The following CNTN5 variants were observed in gnomAD, a reference collection of about 807,000 sequenced individuals.
The protein encoded by CNTN5 is contactin 5, also known as contactin-5.
Under a neutral mutation model 129.1 loss-of-function variants are expected in CNTN5, and 77 were observed. The observed-to-expected ratio is 0.60, with a 90% confidence interval of 0.50 to 0.72. The LOEUF (loss-of-function observed/expected upper bound fraction) is 0.72, where lower values mean the gene tolerates loss of function less well. Ranked by LOEUF, CNTN5 falls within the 30% of genes least tolerant of loss-of-function variation. The probability of loss-of-function intolerance (pLI) is 0.00; values close to 1 mark genes in which losing one functional copy is unlikely to be tolerated. For missense variants in CNTN5, 1,478 were observed against 1,328.8 expected (o/e 1.11, Z -1.75); for synonymous variants, 509 against 465.6 (o/e 1.09, Z -1.20).
In CNTN5 at chr11:100,032,667, A is replaced by G. The variant is rs191707641; in HGVS notation, c.981-28545A>G. On this transcript the variant is annotated intron_variant, in intron 9 of 24. Transcript: ENST00000524871. ...ATCGTTGATGATATTTATTTGCCTC[A>G]TAATGTCGTTTTTAAACACTCAATC... 2.4e-4 allele frequency among the ~76,000 whole-genome samples: 36 copies of G among 152,256 alleles called. No individual in the cohort carries two copies. The East Asian group carries it at 6.4e-3, about 27-fold the overall frequency.
intron 21 of CNTN5, among the ~76,000 whole-genome samples, chr11:100,327,788 T>A (rs1951821026): frequency 6.6e-6 from 1 of 152,124 alleles, no homozygotes; most frequent in Non-Finnish European, 1.5e-5. Context: ...TGGTAAAATA[T>A]CAAATTTCAA....
At chr11:100,277,404 T>C (rs1051764561) in intron 18 of CNTN5, among the ~76,000 whole-genome samples, 1 of 152,180 alleles carries the variant, frequency 6.6e-6, no homozygotes, top group Non-Finnish European at 1.5e-5. Flanking sequence ...TCCAAACTGT[T>C]CTCCGTAGTG....
intron 2 of CNTN5, among the ~76,000 whole-genome samples, chr11:99,473,553 A>ATT (rs143648621): frequency 4.7e-5 from 7 of 149,918 alleles, no homozygotes; most frequent in African/African-American, 1.7e-4. Context: ...TACTGAAGTG[A>ATT]TTTTTTTTTT....
chr11:99,064,453 A>G (rs780771030), intron 1 of CNTN5, among the ~76,000 whole-genome samples: 1 of 152,156 alleles, frequency 6.6e-6, no homozygotes, highest in Admixed American at 6.5e-5. Context: ...TTCATTATGA[A>G]GAAGAGCAGA....
chr11:99,157,843 A>T (rs1019234057), intron 1 of CNTN5, among the ~76,000 whole-genome samples: 2 of 152,192 alleles, frequency 1.3e-5, no homozygotes, highest in Admixed American at 1.3e-4. Context: ...GAATTCTTGC[A>T]GTAGCAAGGC....
intron 2 of CNTN5, among the ~76,000 whole-genome samples, chr11:99,356,709 A>G (rs988357214): frequency 1.3e-5 from 2 of 152,262 alleles, no homozygotes; most frequent in East Asian, 1.9e-4. Context: ...ATAATAAAAC[A>G]AAATCACATT....
intron 21 of CNTN5, chr11:100,336,997 CCA>C (rs1591524954): frequency 1.3e-6 from 1 of 790,318 alleles, no homozygotes; most frequent in Non-Finnish European, 2.3e-6. Flanking sequence ...CACATTGAAC[CCA>C]CACACATCTC....
At chr11:99,744,782 C>G (rs1944000320) in intron 3 of CNTN5, among the ~76,000 whole-genome samples, 1 of 150,804 alleles carries the variant, frequency 6.6e-6, no homozygotes, top group African/African-American at 2.4e-5. Context: ...TGTGGAGATG[C>G]TAACCCTGTA....
chr11:99,393,969 T>C (rs1479603760), intron 2 of CNTN5, among the ~76,000 whole-genome samples: 1 of 151,710 alleles, frequency 6.6e-6, no homozygotes, highest in Non-Finnish European at 1.5e-5. Context: ...TTAAAATTAC[T>C]TAAGCAAGTT....
At chr11:99,317,684 T>C (rs1865398349) in intron 1 of CNTN5, among the ~76,000 whole-genome samples, 1 of 152,204 alleles carries the variant, frequency 6.6e-6, no homozygotes. Context: ...ATAACTTGTT[T>C]CGTACATTTA....
intron 3 of CNTN5, among the ~76,000 whole-genome samples, chr11:99,775,688 CTA>C (rs1235342293): frequency 1.3e-5 from 2 of 151,900 alleles, no homozygotes; most frequent in African/African-American, 2.4e-5. Flanking sequence ...TGCTCTCTCT[CTA>C]TGTATATTTA....
At chr11:99,123,356 T>C (rs1858453510) in intron 1 of CNTN5, among the ~76,000 whole-genome samples, 1 of 152,294 alleles carries the variant, frequency 6.6e-6, no homozygotes, top group East Asian at 1.9e-4. Flanking sequence ...TTTTGAAAGA[T>C]GTCTGTTCAT....
At chr11:100,235,852 C>T (rs753189232) in intron 16 of CNTN5, among the ~76,000 whole-genome samples, 2 of 152,118 alleles carry the variant, frequency 1.3e-5, no homozygotes, top group African/African-American at 2.4e-5. Context: ...ACTTCACTTT[C>T]GTTTTTTGAG....
At chr11:99,756,394 C>G (rs577860450) in intron 3 of CNTN5, among the ~76,000 whole-genome samples, 1 of 152,118 alleles carries the variant, frequency 6.6e-6, no homozygotes, top group African/African-American at 2.4e-5. Flanking sequence ...CATAGATTAG[C>G]ATTGCCTTTT....
At chr11:99,707,998 G>A (rs766598384) in intron 3 of CNTN5, among the ~76,000 whole-genome samples, 3 of 151,550 alleles carry the variant, frequency 2.0e-5, no homozygotes, top group Admixed American at 6.6e-5. Flanking sequence ...TAGGTCTGCA[G>A]ATATTATTAA....
intron 4 of CNTN5, among the ~76,000 whole-genome samples, chr11:99,825,479 CTTAA>C (rs1466770414): frequency 6.6e-6 from 1 of 151,392 alleles, no homozygotes; most frequent in Non-Finnish European, 1.5e-5. Context: ...AAAATCAATA[CTTAA>C]TTATATTTTC....
chr11:100,297,693 G>A lies in CNTN5; in HGVS notation c.2383G>A (p.Glu795Lys). 1 of 1,596,182 alleles carries A rather than the reference G, an allele frequency of 6.3e-7. No homozygotes were observed. Among genetic ancestry groups the A allele is most frequent in the South Asian group, 1.1e-5 (1 of 88,532 alleles). ...GRRHELVIAW[E>K]PVSEEFQNGE... The stretch of plus-strand genomic sequence containing the variant: ...AAGGCATGAGTTAGTCATTGCCTGG[G>A]AGGTAAGAAAAACACATCCTCTCAC... The change falls in exon 19 of 25, where the codon GAG becomes AAG. Residue 795 changes from glutamate (E) to lysine (K), a missense_variant and splice_region_variant. Physicochemically the swap from Glu to Lys is moderately conservative, Grantham distance 56. Coordinates refer to ENST00000524871, the MANE Select transcript of CNTN5 (RefSeq NM_014361.4).
At chr11:100,281,446 T>C (rs959822166) in intron 18 of CNTN5, among the ~76,000 whole-genome samples, 8 of 152,184 alleles carry the variant, frequency 5.3e-5, no homozygotes, top group African/African-American at 1.9e-4. Flanking sequence ...CACTGAAAAG[T>C]CTGCTGCCAG....
chr11:100,110,701 T>C (rs2138113732), intron 13 of CNTN5, among the ~76,000 whole-genome samples: 1 of 152,334 alleles, frequency 6.6e-6, no homozygotes, highest in African/African-American at 2.4e-5. Context: ...AAGGGCTCTG[T>C]ATTTAATTAA....
Sources: allele counts gnomAD v4.1 joint callset (sites outside exome capture counted in the v4.1 genomes callset), GRCh38; gene constraint gnomAD v4.1.1; transcripts MANE v1.5; gene names NCBI Gene and HGNC (gene_info 2026-07-23, HGNC 2026-07-21).